Variants in SLC24A3 observed in about 807,000 individuals in gnomAD.
SLC24A3 encodes the protein sodium/potassium/calcium exchanger 3.
A neutral mutation model predicts 75.8 loss-of-function variants in SLC24A3; 28 were observed. That is an observed-to-expected ratio of 0.37 (90% CI 0.27 to 0.51). The LOEUF is 0.51. SLC24A3 is among the 20% of genes least tolerant of loss of function. The pLI is 0.94. For missense variants in SLC24A3, 663 were observed against 847.8 expected, an observed-to-expected ratio of 0.78 and a Z score of 2.71; for synonymous variants, 372 against 334.1, an observed-to-expected ratio of 1.11 and a Z score of -1.24.
At chr20:19,664,927 A>G (rs1423012450) in intron 7 of SLC24A3, among the ~76,000 whole-genome samples, 2 of 152,228 alleles carry the variant, frequency 1.3e-5, no homozygotes, top group Admixed American at 1.3e-4. Flanking sequence ...TCTCGAGCCA[A>G]TTCTGCAGCA....
At chr20:19,589,453 G>A (rs967030918) in intron 6 of SLC24A3, among the ~76,000 whole-genome samples, 2 of 152,214 alleles carry the variant, frequency 1.3e-5, no homozygotes, top group African/African-American at 4.8e-5. Context: ...GGGGCCCAGG[G>A]AAAACCCCCA....
intron 2 of SLC24A3, among the ~76,000 whole-genome samples, chr20:19,505,540 T>C (rs929157312): frequency 1.5e-4 from 23 of 152,026 alleles, no homozygotes; most frequent in African/African-American, 5.1e-4. Flanking sequence ...ATCCCAAATA[T>C]GGGAGCTGGG....
intron 2 of SLC24A3, among the ~76,000 whole-genome samples, chr20:19,320,363 T>G (rs972236054): frequency 2.0e-4 from 31 of 152,274 alleles, no homozygotes; most frequent in African/African-American, 7.2e-4. Context: ...TTTAAGAGAT[T>G]GATGCTGAAT....
intron 2 of SLC24A3, among the ~76,000 whole-genome samples, chr20:19,402,775 G>C (rs1221214219): frequency 1.3e-5 from 2 of 152,116 alleles, no homozygotes; most frequent in Non-Finnish European, 2.9e-5. Flanking sequence ...CTCTAGACAG[G>C]GGGTGATGTA....
In SLC24A3 at chr20:19,721,228, C is replaced by G. The variant is rs1011080206; in HGVS notation, c.*88C>G. On this transcript the variant is annotated 3_prime_UTR_variant, in exon 17 of 17. Coordinates refer to ENST00000328041, the MANE Select transcript of SLC24A3 (RefSeq NM_020689.4). The stretch of plus-strand genomic sequence containing the variant: ...CCCCGAGTCACACAGGCCCCCGGGG[C>G]CACGGCGTTCGTCTCTCCTGTGCTG... 2 of 1,529,828 alleles carry G rather than the reference C, an allele frequency of 1.3e-6. No individual in the cohort carries two copies. Among genetic ancestry groups the G allele is most frequent in the African/African-American group, 2.7e-5 (2 of 73,376 alleles). The allele number at this position is 1,529,828 out of a possible 1,614,324, so 94.8% of individuals were successfully genotyped here. A position where few individuals can be genotyped will look rare whatever the true frequency, so the allele number is the denominator to read the frequency against.
intron 2 of SLC24A3, among the ~76,000 whole-genome samples, chr20:19,339,851 G>T (rs1985227616): frequency 6.6e-6 from 1 of 152,236 alleles, no homozygotes; most frequent in Admixed American, 6.5e-5. Flanking sequence ...AAGAAGGGAG[G>T]AAGGCAGAGG....
chr20:19,621,642 G>T (rs189266992), intron 6 of SLC24A3, among the ~76,000 whole-genome samples: 1 of 152,302 alleles, frequency 6.6e-6, no homozygotes, highest in East Asian at 1.9e-4. Flanking sequence ...TGGGGATCGG[G>T]TTAAAATGCA....
chr20:19,321,843 T>C (rs1356622585), intron 2 of SLC24A3, among the ~76,000 whole-genome samples: 2 of 152,226 alleles, frequency 1.3e-5, no homozygotes, highest in Non-Finnish European at 2.9e-5. Flanking sequence ...ATTTTTTAAA[T>C]CTAGAATCTA....
chr20:19,272,524 T>C (rs1983360285), intron 1 of SLC24A3, among the ~76,000 whole-genome samples: 1 of 152,262 alleles, frequency 6.6e-6, no homozygotes, highest in Non-Finnish European at 1.5e-5. Context: ...GTGATGTTGA[T>C]GCCGCTGGTC....
At chr20:19,516,900 C>T (rs192872014) in intron 3 of SLC24A3, among the ~76,000 whole-genome samples, 4 of 152,336 alleles carry the variant, frequency 2.6e-5, no homozygotes, top group African/African-American at 9.6e-5. Flanking sequence ...TTGAAGCCCA[C>T]TTCTGCTGGC....
chr20:19,653,731 C>T (rs1042272518), intron 6 of SLC24A3, among the ~76,000 whole-genome samples: 2 of 152,186 alleles, frequency 1.3e-5, no homozygotes, highest in African/African-American at 4.8e-5. Flanking sequence ...TGCGTGCCAG[C>T]TAGGACAGTG....
At chr20:19,231,501 G>A (rs6112264) in intron 1 of SLC24A3, among the ~76,000 whole-genome samples, 22,383 of 152,198 alleles carry the variant, frequency 0.15, 2,926 homozygotes, top group East Asian at 0.73. Flanking sequence ...AACAGAAGCC[G>A]AGGTCAGAAT....
At chr20:19,692,651 A>C (rs1298079144) in intron 12 of SLC24A3, among the ~76,000 whole-genome samples, 1 of 152,220 alleles carries the variant, frequency 6.6e-6, no homozygotes, top group Non-Finnish European at 1.5e-5. Context: ...TCTGGATTGC[A>C]TTGAGGAATA....
At chr20:19,536,885 T>C (rs374960570) in intron 3 of SLC24A3, among the ~76,000 whole-genome samples, 1,964 of 152,240 alleles carry the variant, frequency 0.013, 43 homozygotes, top group South Asian at 0.045. Context: ...TCAAGATGGA[T>C]TAAAGACTTA....
chr20:19,349,510 G>T (rs1985516798), intron 2 of SLC24A3, among the ~76,000 whole-genome samples: 1 of 152,186 alleles, frequency 6.6e-6, no homozygotes. Context: ...CCTCAAAGCA[G>T]ACCAGAAGTT....
intron 6 of SLC24A3, among the ~76,000 whole-genome samples, chr20:19,626,902 G>A (rs2031873391): frequency 6.6e-6 from 1 of 152,196 alleles, no homozygotes; most frequent in Non-Finnish European, 1.5e-5. Flanking sequence ...AGAGCCAGTT[G>A]AATACTGTGA....
chr20:19,605,316 C>T (rs77179828), intron 6 of SLC24A3, among the ~76,000 whole-genome samples: 4,200 of 127,066 alleles, frequency 0.033, 177 homozygotes, highest in African/African-American at 0.1. Flanking sequence ...ATTTCCAGTC[C>T]TTTCTCCTGT....
At chr20:19,251,245 G>A (rs1488964868) in intron 1 of SLC24A3, among the ~76,000 whole-genome samples, 1 of 152,210 alleles carries the variant, frequency 6.6e-6, no homozygotes, top group Non-Finnish European at 1.5e-5. Flanking sequence ...ACTCACTGAT[G>A]TTGGGTTGGA....
At chr20:19,372,396 T>G (rs1986007973) in intron 2 of SLC24A3, among the ~76,000 whole-genome samples, 1 of 152,168 alleles carries the variant, frequency 6.6e-6, no homozygotes, top group South Asian at 2.1e-4. Flanking sequence ...ATGCTCTCAC[T>G]TAGCATCTGG....
Sources: allele counts gnomAD v4.1 joint callset (sites outside exome capture counted in the v4.1 genomes callset), GRCh38; gene constraint gnomAD v4.1.1; transcripts MANE v1.5; gene names NCBI Gene and HGNC (gene_info 2026-07-23, HGNC 2026-07-21).